The following TRPC6 variants were observed in gnomAD, a reference collection of about 807,000 sequenced individuals.
TRPC6 encodes the protein transient receptor potential cation channel subfamily C member 6.
A neutral mutation model predicts 90.7 loss-of-function variants in TRPC6; 55 were observed. That is an observed-to-expected ratio of 0.61 (90% CI 0.49 to 0.76). The LOEUF is 0.76. Among genes scored for constraint, TRPC6 ranks in the 30% least tolerant of loss-of-function variants. The pLI, the probability that TRPC6 is intolerant of heterozygous loss-of-function variation, is 0.00. For synonymous variants in TRPC6, 393 were observed against 393.0 expected (o/e 1.00, Z 0.00); for missense variants, 989 against 1,122.7 (o/e 0.88, Z 1.70).
chr11:101,553,350 G>A (rs897480144), intron 1 of TRPC6, among the ~76,000 whole-genome samples: 1 of 151,476 alleles, frequency 6.6e-6, no homozygotes, highest in Non-Finnish European at 1.5e-5. Flanking sequence ...GTTTCCTCCT[G>A]ACTAGGCTTT....
intron 1 of TRPC6, among the ~76,000 whole-genome samples, chr11:101,548,438 A>T (rs1258888308): frequency 7.2e-6 from 1 of 139,704 alleles, no homozygotes. Flanking sequence ...TAAATATATA[A>T]TACATAATTA....
At chr11:101,554,829 T>C (rs1861525555) in intron 1 of TRPC6, among the ~76,000 whole-genome samples, 1 of 152,114 alleles carries the variant, frequency 6.6e-6, no homozygotes, top group African/African-American at 2.4e-5. Flanking sequence ...CCTTAATCAA[T>C]CCCAGCCCTA....
chr11:101,471,293 C>A lies in TRPC6; in HGVS notation c.2299G>T (p.Val767Leu), dbSNP rs200772226. 1 of 1,613,824 alleles carries A rather than the reference C, an allele frequency of 6.2e-7. No individual in the cohort carries two copies. The change falls in exon 9 of 13, where the codon GTG (valine) becomes TTG (leucine). Residue 767 changes from valine to leucine, a missense_variant. Transcript: ENST00000344327. Reference protein sequence around the residue: ...GRTLPVPFNLVPSPKSLFYLL... With the variant: ...GRTLPVPFNLLPSPKSLFYLL... ...TAAAACAGGGACTTTGGACTCGGCACCAGATTGAAGGGTACAGGAAGTGTT... is the reference window on the plus strand; with the variant it reads ...TAAAACAGGGACTTTGGACTCGGCAACAGATTGAAGGGTACAGGAAGTGTT...
rs762388967 is a variant in TRPC6, at chr11:101,583,366, G to A, written c.138C>T (p.Ala46=). Reference sequence around the variant, plus strand: ...GGTAGTAGCCGTAGCAAGGCAGCGGGGCTTGCGGGCAGCCGTCTTCTCCCA... The same window carrying A: ...GGTAGTAGCCGTAGCAAGGCAGCGGAGCTTGCGGGCAGCCGTCTTCTCCCA... ...SELGEDGCPQ[A]PLPCYGYYPC... The change falls in exon 1 of 13, where the codon GCC becomes GCT. Residue 46 remains alanine, a synonymous_variant. Coordinates refer to ENST00000344327, the MANE Select transcript of TRPC6 (RefSeq NM_004621.6). The A allele has an allele frequency of 7.5e-6, 12 of 1,594,632 alleles. No homozygotes were observed. The East Asian group carries it at 2.5e-4, about 33-fold the overall frequency.
At chr11:101,527,014 C>T (rs2136789002) in intron 1 of TRPC6, among the ~76,000 whole-genome samples, 1 of 142,180 alleles carries the variant, frequency 7.0e-6, no homozygotes, top group East Asian at 2.1e-4. Flanking sequence ...AATGAATTAA[C>T]AAGACTACAA....
chr11:101,557,715 C>T (rs369892511), intron 1 of TRPC6, among the ~76,000 whole-genome samples: 7 of 151,968 alleles, frequency 4.6e-5, no homozygotes, highest in African/African-American at 1.7e-4. Context: ...TTTCTATACA[C>T]TAACAAAGAA....
chr11:101,465,870 T>TCC, intron 10 of TRPC6, among the ~76,000 whole-genome samples: 1 of 152,306 alleles, frequency 6.6e-6, no homozygotes, highest in East Asian at 1.9e-4. Flanking sequence ...TGAAGAGGCA[T>TCC]TCTGGTTTTT....
rs761268067 is a variant in TRPC6 at position 101,453,690 on chromosome 11, C to T, written c.2604G>A (p.Leu868=). 3 of 1,613,800 alleles carry T rather than the reference C, an allele frequency of 1.9e-6. No homozygotes were observed. In the African/African-American group the frequency reaches 4.0e-5, roughly 22 times the overall value. ...CACTCTCCTTATCTATCTGGGCCTGCAGTACATATCTTTTAATGAGCCTTT... is the reference window on the plus strand; with the variant it reads ...CACTCTCCTTATCTATCTGGGCCTGTAGTACATATCTTTTAATGAGCCTTT... ...IMKRLIKRYV[L]QAQIDKESDE... is the part of the protein sequence containing the mutation. The change falls in exon 12 of 13, where the codon CTG becomes CTA. Residue 868 remains leucine (L), a synonymous_variant. Coordinates refer to ENST00000344327, the MANE Select transcript of TRPC6 (RefSeq NM_004621.6).
intron 7 of TRPC6, 63 bp downstream of exon 7, chr11:101,473,446 G>C: frequency 1.3e-6 from 2 of 1,568,858 alleles, no homozygotes; most frequent in Non-Finnish European, 1.7e-6. Context: ...TTACATAAAC[G>C]CTGTTAAACT....
At chr11:101,518,615 T>C (rs905731434) in intron 1 of TRPC6, among the ~76,000 whole-genome samples, 1 of 152,090 alleles carries the variant, frequency 6.6e-6, no homozygotes, top group African/African-American at 2.4e-5. Flanking sequence ...ATTGGTACTA[T>C]GAAGAATAGT....
intron 2 of TRPC6, among the ~76,000 whole-genome samples, chr11:101,501,407 TTAAAG>T (rs1860121366): frequency 6.6e-6 from 1 of 152,126 alleles, no homozygotes; most frequent in Non-Finnish European, 1.5e-5. Context: ...ATATATTACT[TTAAAG>T]TAAGAAAAAA....
At chr11:101,553,885 G>C (rs919025771) in intron 1 of TRPC6, among the ~76,000 whole-genome samples, 1 of 152,002 alleles carries the variant, frequency 6.6e-6, no homozygotes, top group Non-Finnish European at 1.5e-5. Flanking sequence ...AGGAAAATGA[G>C]ACAATTGAAA....
At chr11:101,527,416 G>A (rs930460221) in intron 1 of TRPC6, among the ~76,000 whole-genome samples, 1 of 152,146 alleles carries the variant, frequency 6.6e-6, no homozygotes, top group African/African-American at 2.4e-5. Context: ...TGCCCATAAT[G>A]ATTTGACTGG....
intron 1 of TRPC6, among the ~76,000 whole-genome samples, chr11:101,560,466 C>T (rs900094700): frequency 2.6e-5 from 4 of 152,172 alleles, no homozygotes; most frequent in East Asian, 1.9e-4. Flanking sequence ...ATTTCTTGCA[C>T]TTAAGCATTT....
intron 1 of TRPC6, among the ~76,000 whole-genome samples, chr11:101,539,855 G>A (rs935943846): frequency 2.0e-5 from 3 of 152,074 alleles, no homozygotes; most frequent in African/African-American, 7.2e-5. Flanking sequence ...TATGAATTTG[G>A]GAGTGTTTGT....
intron 1 of TRPC6, among the ~76,000 whole-genome samples, chr11:101,513,101 AAGGG>A (rs1860435171): frequency 6.6e-6 from 1 of 152,234 alleles, no homozygotes; most frequent in African/African-American, 2.4e-5. Context: ...ACCATAAGAC[AAGGG>A]ACACCTGACA....
At chr11:101,453,559 G>C in intron 12 of TRPC6, 91 bp downstream of exon 12, 1 of 1,209,928 alleles carries the variant, frequency 8.3e-7, no homozygotes, top group Non-Finnish European at 1.2e-6. Context: ...CACTCTCCCT[G>C]TACGCATCTC....
intron 9 of TRPC6, 125 bp downstream of exon 9, chr11:101,471,058 G>T: frequency 2.3e-6 from 2 of 875,732 alleles, no homozygotes; most frequent in South Asian, 3.1e-5. Context: ...GCTGTGTGAA[G>T]TGACTGCATA....
At chr11:101,524,392 G>T (rs1373093448) in intron 1 of TRPC6, among the ~76,000 whole-genome samples, 4 of 152,146 alleles carry the variant, frequency 2.6e-5, no homozygotes, top group Non-Finnish European at 1.5e-5. Flanking sequence ...GGGACTACAG[G>T]CGCCTGCCAC....
Sources: allele counts gnomAD v4.1 joint callset (sites outside exome capture counted in the v4.1 genomes callset), GRCh38; gene constraint gnomAD v4.1.1; transcripts MANE v1.5; gene names NCBI Gene and HGNC (gene_info 2026-07-23, HGNC 2026-07-21).